POT1: variants seen among roughly 807,000 people sequenced by gnomAD.
POT1 encodes protection of telomeres protein 1.
A neutral mutation model predicts 78.5 loss-of-function variants in POT1; 47 were observed. The ratio of observed to expected loss-of-function variants is 0.60; its 90% CI spans 0.47 to 0.76. POT1 has a LOEUF of 0.76. Ranked by LOEUF, POT1 falls within the 30% of genes least tolerant of loss-of-function variation. The pLI is 0.00. For synonymous variants in POT1, 259 were observed against 260.7 expected (o/e 0.99, Z 0.06); for missense variants, 646 against 749.9 (o/e 0.86, Z 1.62).
chr7:124,882,438 C>G (rs971206064), intron 6 of POT1, among the ~76,000 whole-genome samples: 5 of 151,878 alleles, frequency 3.3e-5, no homozygotes, highest in African/African-American at 9.7e-5. Context: ...CTGGTGTGAG[C>G]TTACATAATT....
rs765610244 is a variant in POT1 at position 124,822,528 on chromosome 7, C to T, written c.*1434G>A. On this transcript the variant is annotated 3_prime_UTR_variant, in exon 19 of 19. Transcript: ENST00000357628. ...GTGAACATATGGCACCTTTGGACCT[C>T]TACTCTTCTAGATTGAGGGCTTCCT... 8.3e-5 allele frequency: 38 copies of T among 455,554 alleles called. 1 individual carries two copies. The highest frequency in any genetic ancestry group is 4.6e-4 in the African/African-American group (23 of 50,148). 28.2% of individuals were successfully genotyped at this position (455,554 alleles called of 1,614,324 possible). A position where few individuals can be genotyped will look rare whatever the true frequency, so the allele number is the denominator to read the frequency against.
intron 2 of POT1, among the ~76,000 whole-genome samples, chr7:124,918,888 T>A (rs1797080334): frequency 6.6e-6 from 1 of 152,124 alleles, no homozygotes; most frequent in Non-Finnish European, 1.5e-5. Context: ...AGAAATCCCC[T>A]TCACACAGCA....
At chr7:124,857,490 C>T (rs908709949) in intron 9 of POT1, among the ~76,000 whole-genome samples, 14 of 152,158 alleles carry the variant, frequency 9.2e-5, no homozygotes, top group Non-Finnish European at 1.6e-4. Flanking sequence ...TGGCCCACCC[C>T]ACCTGACATC....
At chr7:124,828,592 A>G (rs1159121788) in intron 16 of POT1, among the ~76,000 whole-genome samples, 1 of 152,196 alleles carries the variant, frequency 6.6e-6, no homozygotes, top group Non-Finnish European at 1.5e-5. Flanking sequence ...AAAACTGTGA[A>G]CTAAAACTAA....
In POT1 at chr7:124,822,647, T is replaced by C; in HGVS notation, c.*1315A>G. 2.6e-6 allele frequency: 1 copy of C among 390,632 alleles called. No individual in the cohort carries two copies. The highest frequency in any genetic ancestry group is 5.4e-6 in the Non-Finnish European group (1 of 185,346). The allele number at this position is 390,632 out of a possible 1,614,324, so 24.2% of individuals were successfully genotyped here. ...TCAACTGTAGGGTTTTAAAATATTT[T>C]TCCTGAAAATGTTTTGAACCAAGAG... On this transcript the variant is annotated 3_prime_UTR_variant, in exon 19 of 19. Transcript: ENST00000357628.
intron 8 of POT1, among the ~76,000 whole-genome samples, chr7:124,860,065 G>A (rs571118602): frequency 9.9e-5 from 15 of 151,652 alleles, no homozygotes; most frequent in Non-Finnish European, 1.8e-4. Flanking sequence ...ACATTATATC[G>A]AGTAATGTCT....
intron 3 of POT1, chr7:124,900,802 T>TA (rs1393636652): frequency 2.5e-6 from 1 of 395,498 alleles, no homozygotes; most frequent in Non-Finnish European, 5.2e-6. Context: ...CCTGCCATAA[T>TA]ACTGTGCTTT....
intron 16 of POT1, chr7:124,828,818 A>G (rs919063609): frequency 2.9e-5 from 14 of 482,464 alleles, no homozygotes; most frequent in African/African-American, 2.6e-4. Context: ...ATCAAAAAGG[A>G]AAGAAAACAA....
At position 124,829,803 on chromosome 7, in the gene POT1, G is replaced by A. The variant is rs373883001; in HGVS notation, c.1506-461C>T. On this transcript the variant is annotated intron_variant, in intron 15 of 18. Transcript: ENST00000357628. ...TCACCTCTGCCTCCTGGGCTCAAGT[G>A]AGCCTCCCACCTCAGCCTTCCAAGT... Among the ~76,000 whole-genome samples, 3 of 152,058 alleles carry A rather than the reference G, an allele frequency of 2.0e-5. No homozygotes were observed. In the East Asian group the frequency reaches 5.8e-4, roughly 29 times the overall value.
intron 3 of POT1, among the ~76,000 whole-genome samples, chr7:124,913,879 T>A (rs1382768814): frequency 6.6e-6 from 1 of 152,118 alleles, no homozygotes; most frequent in Non-Finnish European, 1.5e-5. Flanking sequence ...GGGTTTTCTG[T>A]AATCCCAGCA....
chr7:124,864,300 C>T (rs1354771365), intron 7 of POT1, among the ~76,000 whole-genome samples: 1 of 151,958 alleles, frequency 6.6e-6, no homozygotes, highest in African/African-American at 2.4e-5. Flanking sequence ...TTAGTTCTAA[C>T]TTGTTTAGGT....
chr7:124,848,386 C>T (rs148364844), intron 11 of POT1, among the ~76,000 whole-genome samples: 36 of 152,206 alleles, frequency 2.4e-4, no homozygotes, highest in Middle Eastern at 3.4e-3. Context: ...GCACATAGGC[C>T]AGGCACGGTG....
At chr7:124,880,152 G>C (rs1000596773) in intron 6 of POT1, among the ~76,000 whole-genome samples, 3 of 151,822 alleles carry the variant, frequency 2.0e-5, no homozygotes, top group African/African-American at 4.8e-5. Flanking sequence ...CAAATGATTG[G>C]TTTGCCAATA....
At chr7:124,844,981 T>C (rs1416541554) in intron 12 of POT1, among the ~76,000 whole-genome samples, 3 of 152,196 alleles carry the variant, frequency 2.0e-5, no homozygotes, top group African/African-American at 7.2e-5. Flanking sequence ...TGCCTGTCTT[T>C]ATCTGTCTCT....
At chr7:124,909,007 C>T (rs1331956710) in intron 3 of POT1, among the ~76,000 whole-genome samples, 1 of 151,780 alleles carries the variant, frequency 6.6e-6, no homozygotes, top group African/African-American at 2.4e-5. Flanking sequence ...TAGCTATGAA[C>T]CAAGACAAGA....
chr7:124,887,451 GACC>G, intron 6 of POT1, among the ~76,000 whole-genome samples: 1 of 152,044 alleles, frequency 6.6e-6, no homozygotes, highest in East Asian at 1.9e-4. Flanking sequence ...AAAATATGCT[GACC>G]ACAAGAAAAA....
chr7:124,836,480 T>C (rs962641930), intron 14 of POT1, among the ~76,000 whole-genome samples: 12 of 152,198 alleles, frequency 7.9e-5, no homozygotes, highest in African/African-American at 2.9e-4. Flanking sequence ...AAAGTTAGTC[T>C]ATCTTTTGGA....
chr7:124,899,465 T>G (rs1435182655), intron 3 of POT1, among the ~76,000 whole-genome samples: 1 of 152,114 alleles, frequency 6.6e-6, no homozygotes. Flanking sequence ...ATTTTTCTTC[T>G]TACTGAAGAT....
At position 124,853,078 on chromosome 7, in the gene POT1, T is replaced by G. The variant is rs1260902476; in HGVS notation, c.763A>C (p.Asn255His). ...HTKLQSMNSE[N>H]QTMLSLEFHL... is the part of the protein sequence containing the mutation. ...AACTCTAAACTTAACATTGTCTGAT[T>G]CTCTGAATTCATTGATTGAAGTTTG... is the stretch of plus-strand genomic sequence containing the variant. Residue 255 changes from asparagine (N) to histidine (H), a missense_variant, in exon 10 of 19, where the codon AAT becomes CAT. By Grantham distance (68) the Asn-to-His change is moderately conservative. Around this residue, in one of 2 missense-constraint regions of POT1, gnomAD observed 252 missense variants for 341.4 expected, o/e 0.74. Transcript: ENST00000357628. 8.7e-6 allele frequency: 14 copies of G among 1,609,466 alleles called. No individual in the cohort carries two copies. In the East Asian group the frequency reaches 1.1e-4, roughly 13 times the overall value.
Sources: gnomAD v4.1 joint callset for allele counts (sites outside exome capture counted in the v4.1 genomes callset) on GRCh38, gnomAD v4.1.1 for gene constraint, gnomAD v4.1.1 regional missense constraint, MANE v1.5 for transcripts, NCBI Gene and HGNC (gene_info 2026-07-23, HGNC 2026-07-21) for gene names.